Variants in ADCY8 observed in about 807,000 individuals in gnomAD.
The protein encoded by ADCY8 is adenylate cyclase type 8.
Under a neutral mutation model 119.7 loss-of-function variants are expected in ADCY8, and 51 were observed. The observed-to-expected ratio is 0.43, with a 90% CI of 0.34 to 0.54. The LOEUF is 0.54. Ranked by LOEUF, ADCY8 falls within the 20% of genes least tolerant of loss-of-function variation. ADCY8 has a pLI of 0.03. For missense variants in ADCY8, 1,383 were observed against 1,598.8 expected, an observed-to-expected ratio of 0.87 and a Z score of 2.30; for synonymous variants, 665 against 651.0, an observed-to-expected ratio of 1.02 and a Z score of -0.33.
rs760727168 is a variant in ADCY8, at chr8:131,039,902, A to G, written c.432T>C (p.Asn144=). 5.0e-6 allele frequency: 8 copies of G among 1,613,340 alleles called. No individual in the cohort carries two copies. Among genetic ancestry groups the G allele is most frequent in the Non-Finnish European group, 5.9e-6 (7 of 1,179,602 alleles). ...CAPSNSDFFL[N]GGYSYRGVIF... is the part of the protein sequence containing the mutation. ...TGACCCCTCGGTAGCTATAGCCCCC[A>G]TTAAGAAAGAAATCCGAGTTGCTAG... is the stretch of plus-strand genomic sequence containing the variant. The change falls in exon 1 of 18, where the codon AAT becomes AAC. Residue 144 remains asparagine (N), a synonymous_variant. Coordinates refer to ENST00000286355, the MANE Select transcript of ADCY8 (RefSeq NM_001115.3).
intron 1 of ADCY8, among the ~76,000 whole-genome samples, chr8:131,011,504 A>G (rs754432100): frequency 1.3e-5 from 2 of 152,104 alleles, no homozygotes; most frequent in Admixed American, 6.5e-5. Context: ...CCTTCTCACC[A>G]CATTCTCAGT....
intron 3 of ADCY8, among the ~76,000 whole-genome samples, chr8:130,948,808 T>C (rs1404093000): frequency 6.6e-6 from 1 of 152,120 alleles, no homozygotes; most frequent in Non-Finnish European, 1.5e-5. Flanking sequence ...GTTGGCTTTG[T>C]TCTCCGACTT....
intron 5 of ADCY8, among the ~76,000 whole-genome samples, chr8:130,920,497 A>G (rs1820269829): frequency 6.6e-6 from 1 of 152,224 alleles, no homozygotes; most frequent in Admixed American, 6.5e-5. Context: ...TTATCCAATG[A>G]AGTGAAAGTG....
chr8:130,968,068 G>A (rs546698266), intron 2 of ADCY8, among the ~76,000 whole-genome samples: 2 of 152,328 alleles, frequency 1.3e-5, no homozygotes, highest in African/African-American at 2.4e-5. Context: ...ATGGGCAGGT[G>A]GGGGAGAGAG....
At chr8:130,860,219 GT>G (rs1356588351) in intron 9 of ADCY8, among the ~76,000 whole-genome samples, 2 of 152,086 alleles carry the variant, frequency 1.3e-5, no homozygotes, top group East Asian at 3.9e-4. Context: ...TGAGTTGTTT[GT>G]TTAAATCTTT....
At chr8:131,007,373 A>G (rs1489647131) in intron 1 of ADCY8, among the ~76,000 whole-genome samples, 2 of 152,132 alleles carry the variant, frequency 1.3e-5, no homozygotes, top group Non-Finnish European at 1.5e-5. Context: ...TTTACCTGCA[A>G]GGAGACATCT....
intron 7 of ADCY8, among the ~76,000 whole-genome samples, chr8:130,893,765 T>C (rs780539704): frequency 2.0e-5 from 3 of 151,042 alleles, no homozygotes; most frequent in Non-Finnish European, 4.4e-5. Context: ...TGTGCATGTT[T>C]ATGTGTGTGT....
chr8:130,854,093 G>A (rs412723), intron 9 of ADCY8, among the ~76,000 whole-genome samples: 121,193 of 152,184 alleles, frequency 0.8, 48,977 homozygotes, highest in African/African-American at 0.92. Context: ...CTGACACTGT[G>A]TATTACATTT....
In ADCY8 at chr8:131,001,130, G is replaced by T. The variant is rs573067331; in HGVS notation, c.961-10588C>A. On this transcript the variant is annotated intron_variant, in intron 1 of 17. Transcript: ENST00000286355. ...CTTTAAATGGAAAAGCTAAGGCCCT[G>T]AGAGTAATTTGCCCAAAGCCAAGTA... is the stretch of plus-strand genomic sequence containing the variant. Among the ~76,000 whole-genome samples, 3 of 152,262 alleles carry T rather than the reference G, an allele frequency of 2.0e-5. No individual in the cohort carries two copies. In the East Asian group the frequency reaches 5.8e-4, roughly 29 times the overall value.
intron 1 of ADCY8, among the ~76,000 whole-genome samples, chr8:131,010,299 G>C (rs1823260625): frequency 2.0e-5 from 3 of 152,180 alleles, no homozygotes; most frequent in Admixed American, 6.5e-5. Flanking sequence ...GGGAGATGCT[G>C]CTTCTAGGGG....
At chr8:131,038,804 A>G (rs1824250199) in intron 1 of ADCY8, among the ~76,000 whole-genome samples, 1 of 152,218 alleles carries the variant, frequency 6.6e-6, no homozygotes, top group African/African-American at 2.4e-5. Flanking sequence ...AATTCCCGAG[A>G]AAACCATGTG....
chr8:131,009,026 A>C (rs1823214550), intron 1 of ADCY8, among the ~76,000 whole-genome samples: 1 of 152,226 alleles, frequency 6.6e-6, no homozygotes, highest in Admixed American at 6.5e-5. Flanking sequence ...GCAGAGCATA[A>C]AAGTTCACAA....
At chr8:130,840,072 G>A (rs529641912) in intron 11 of ADCY8, among the ~76,000 whole-genome samples, 1 of 139,840 alleles carries the variant, frequency 7.2e-6, no homozygotes, top group Non-Finnish European at 1.6e-5. Flanking sequence ...AGAGGAGTCA[G>A]AGGTAGCACT....
intron 15 of ADCY8, among the ~76,000 whole-genome samples, chr8:130,793,073 G>A (rs932218651): frequency 6.6e-6 from 1 of 152,082 alleles, no homozygotes; most frequent in African/African-American, 2.4e-5. Context: ...CACCCCTAAG[G>A]CAGCACAAGT....
intron 5 of ADCY8, among the ~76,000 whole-genome samples, chr8:130,911,238 G>A (rs1313104783): frequency 1.3e-5 from 2 of 152,134 alleles, no homozygotes; most frequent in Admixed American, 1.3e-4. Context: ...GTTTGGAAAT[G>A]TTTCCATCTT....
At chr8:130,957,707 G>T (rs1261028640) in intron 2 of ADCY8, among the ~76,000 whole-genome samples, 3 of 152,222 alleles carry the variant, frequency 2.0e-5, no homozygotes, top group African/African-American at 7.2e-5. Context: ...CTAGGGACTT[G>T]GTGCCCTGTG....
chr8:130,983,800 C>A (rs556472021), intron 2 of ADCY8, among the ~76,000 whole-genome samples: 1 of 152,138 alleles, frequency 6.6e-6, no homozygotes, highest in Non-Finnish European at 1.5e-5. Flanking sequence ...TAGTCATACA[C>A]CTCCCTTCTC....
intron 9 of ADCY8, among the ~76,000 whole-genome samples, chr8:130,862,884 T>A (rs1053649569): frequency 6.6e-6 from 1 of 152,198 alleles, no homozygotes; most frequent in Non-Finnish European, 1.5e-5. Context: ...TCTTTTAAAT[T>A]TATGAAGGTG....
intron 12 of ADCY8, among the ~76,000 whole-genome samples, chr8:130,829,695 G>A (rs1816771717): frequency 6.6e-6 from 1 of 152,192 alleles, no homozygotes; most frequent in Non-Finnish European, 1.5e-5. Context: ...GAAAGTTTAA[G>A]CATGTCTTAC....
Sources: allele counts gnomAD v4.1 joint callset (sites outside exome capture counted in the v4.1 genomes callset), GRCh38; gene constraint gnomAD v4.1.1; transcripts MANE v1.5; gene names NCBI Gene and HGNC (gene_info 2026-07-23, HGNC 2026-07-21).